The following RAB10 variants were observed in gnomAD, a reference collection of about 807,000 sequenced individuals.
RAB10 encodes RAB10, member RAS oncogene family, also known as ras-related protein Rab-10.
In RAB10, 5 loss-of-function variants were observed where a neutral mutation model predicts 25.7. The observed-to-expected ratio is 0.19, with a 90% CI of 0.10 to 0.41. The LOEUF is 0.41. Among genes scored for constraint, RAB10 ranks in the 10% least tolerant of loss-of-function variants. The pLI is 1.00. For missense variants in RAB10, 103 were observed against 245.8 expected, an observed-to-expected ratio of 0.42 and a Z score of 3.89; for synonymous variants, 89 against 86.4, an observed-to-expected ratio of 1.03 and a Z score of -0.16.
chr2:26,102,628 C>G (rs966804013), intron 2 of RAB10, among the ~76,000 whole-genome samples: 1 of 151,918 alleles, frequency 6.6e-6, no homozygotes, highest in Non-Finnish European at 1.5e-5. Context: ...TTAGTAGAGA[C>G]GGGGTTTCAC....
chr2:26,065,017 C>A (rs939360546), intron 1 of RAB10, among the ~76,000 whole-genome samples: 1 of 152,164 alleles, frequency 6.6e-6, no homozygotes, highest in Non-Finnish European at 1.5e-5. Flanking sequence ...CTGATCGCGC[C>A]ACTGCAGGCT....
At chr2:26,033,956 CTG>C (rs1161873077), upstream of RAB10, among the ~76,000 whole-genome samples, 1 of 152,234 alleles carries the variant, frequency 6.6e-6, no homozygotes, top group Non-Finnish European at 1.5e-5. Flanking sequence ...CAGCCTCAGA[CTG>C]AGGCTTGGAG....
In RAB10 at chr2:26,055,894, C is replaced by CT. The variant is rs201700644; in HGVS notation, c.127+21167dup. On this transcript the variant is annotated intron_variant, in intron 1 of 5. Transcript: ENST00000264710. ...GATGTACCTCCAGAAAGATGTAGAA[C>CT]TTTTTTTTCTTTTTTTTTTGAGACA... Among the ~76,000 whole-genome samples the CT allele has an allele frequency of 2.0e-4, 28 of 142,244 alleles. No homozygotes were observed. In the South Asian group the frequency reaches 6.0e-3, roughly 31 times the overall value. The allele number at this position is 142,244 out of a possible 152,430, so 93.3% of individuals were successfully genotyped here.
intron 3 of RAB10, among the ~76,000 whole-genome samples, chr2:26,126,055 A>G (rs1167247463): frequency 1.3e-5 from 2 of 152,186 alleles, no homozygotes; most frequent in East Asian, 3.8e-4. Context: ...ATAAGGATCC[A>G]GCTTCATTGT....
intron 1 of RAB10, among the ~76,000 whole-genome samples, chr2:26,091,093 C>A (rs539356486): frequency 3.9e-5 from 6 of 152,196 alleles, no homozygotes; most frequent in East Asian, 1.9e-4. Flanking sequence ...TTTAATTTCT[C>A]CAGAAAACAT....
intron 1 of RAB10, among the ~76,000 whole-genome samples, chr2:26,037,946 G>A (rs745508325): frequency 1.1e-4 from 16 of 151,960 alleles, no homozygotes; most frequent in Middle Eastern, 3.4e-3. Flanking sequence ...GAGTGCAATG[G>A]TGTGATCTCG....
At chr2:26,054,760 A>G (rs1007877009) in intron 1 of RAB10, among the ~76,000 whole-genome samples, 13 of 152,312 alleles carry the variant, frequency 8.5e-5, no homozygotes, top group Non-Finnish European at 1.6e-4. Flanking sequence ...GCATTTTGCT[A>G]CATTTGTTTT....
intron 1 of RAB10, among the ~76,000 whole-genome samples, chr2:26,087,385 C>T (rs1179231340): frequency 6.6e-6 from 1 of 152,112 alleles, no homozygotes; most frequent in Admixed American, 6.6e-5. Context: ...GCTGTTATTG[C>T]TGCTGCTGCT....
chr2:26,136,464 C>T lies in RAB10; in HGVS notation c.*1443C>T, dbSNP rs973498335. 3.9e-5 allele frequency: 6 copies of T among 152,676 alleles called. No homozygotes were observed. Among genetic ancestry groups the T allele is most frequent in the African/African-American group, 7.2e-5 (3 of 41,544 alleles). 9.5% of individuals were successfully genotyped at this position (152,676 alleles called of 1,614,324 possible). On this transcript the variant is annotated 3_prime_UTR_variant, in exon 6 of 6. Transcript: ENST00000264710. ...TACCATGGGTTTGGAAAAAGGACAA[C>T]GAAAGGCTTTTCATGTAAAGATAAG...
intron 1 of RAB10, among the ~76,000 whole-genome samples, chr2:26,090,941 A>C (rs367995692): frequency 2.8e-3 from 20 of 7,180 alleles, no homozygotes; most frequent in Non-Finnish European, 3.0e-3. Context: ...CTCCCCCCCC[A>C]AAAAAAAAAA....
intron 1 of RAB10, among the ~76,000 whole-genome samples, chr2:26,065,447 A>G (rs979445149): frequency 2.0e-5 from 3 of 151,970 alleles, no homozygotes; most frequent in African/African-American, 7.3e-5. Context: ...CCCTGTTTGC[A>G]AGCTTTTGTT....
intron 1 of RAB10, among the ~76,000 whole-genome samples, chr2:26,053,797 G>A (rs1666186240): frequency 6.6e-6 from 1 of 152,012 alleles, no homozygotes; most frequent in African/African-American, 2.4e-5. Flanking sequence ...TCGGCTCACT[G>A]CAACTTCTGC....
intron 1 of RAB10, among the ~76,000 whole-genome samples, chr2:26,036,192 G>A (rs1295620845): frequency 6.6e-6 from 1 of 152,182 alleles, no homozygotes; most frequent in East Asian, 1.9e-4. Flanking sequence ...ACCTAATGCT[G>A]GGCACTGTTT....
upstream of RAB10, among the ~76,000 whole-genome samples, chr2:26,033,755 T>C (rs1475653858): frequency 6.7e-6 from 1 of 148,622 alleles, no homozygotes; most frequent in African/African-American, 2.5e-5. Flanking sequence ...CTGGGCTCTG[T>C]AAGGGTGTCC....
intron 1 of RAB10, among the ~76,000 whole-genome samples, chr2:26,037,286 C>T (rs1211744134): frequency 6.6e-6 from 1 of 152,128 alleles, no homozygotes; most frequent in Non-Finnish European, 1.5e-5. Context: ...CTTGTTTCCA[C>T]AGGTTACTAG....
intron 5 of RAB10, among the ~76,000 whole-genome samples, chr2:26,129,088 G>A (rs575204387): frequency 6.6e-6 from 1 of 151,924 alleles, no homozygotes; most frequent in Non-Finnish European, 1.5e-5. Context: ...TGGCCAACAC[G>A]GTGAAACCCC....
At chr2:26,033,827 G>T (rs1188734078), upstream of RAB10, among the ~76,000 whole-genome samples, 1 of 152,210 alleles carries the variant, frequency 6.6e-6, no homozygotes, top group African/African-American at 2.4e-5. Context: ...CGCCTGCGCA[G>T]TCGCTAGGTA....
upstream of RAB10, among the ~76,000 whole-genome samples, chr2:26,033,470 C>T (rs77541164): frequency 6.6e-6 from 1 of 152,248 alleles, no homozygotes; most frequent in East Asian, 1.9e-4. Context: ...CAAACTCTTG[C>T]TCTTGAAGTC....
intron 1 of RAB10, among the ~76,000 whole-genome samples, chr2:26,071,580 T>A (rs1312460278): frequency 6.6e-6 from 1 of 151,812 alleles, no homozygotes; most frequent in African/African-American, 2.4e-5. Context: ...CCCAGCTACT[T>A]GGGAGACTGA....
Sources: gnomAD v4.1 joint callset for allele counts (sites outside exome capture counted in the v4.1 genomes callset) on GRCh38, gnomAD v4.1.1 for gene constraint, MANE v1.5 for transcripts, NCBI Gene and HGNC (gene_info 2026-07-23, HGNC 2026-07-21) for gene names.